The following HMCN1 variants were observed in gnomAD, a reference collection of about 807,000 sequenced individuals.
HMCN1 encodes hemicentin 1.
HMCN1 carries 321 observed loss-of-function variants against 625.9 expected under a neutral mutation model. The ratio of observed to expected loss-of-function variants is 0.51; its 90% CI spans 0.47 to 0.56. The LOEUF (loss-of-function observed/expected upper bound fraction) is 0.56. Among genes scored for constraint, HMCN1 ranks in the 20% least tolerant of loss-of-function variants. The pLI is 0.00. For missense variants in HMCN1, 6,588 were observed against 6,887.3 expected (o/e 0.96, Z 1.54); for synonymous variants, 2,425 against 2,417.6 (o/e 1.00, Z -0.09).
At chr1:186,128,607 C>A (rs1661767541) in intron 83 of HMCN1, among the ~76,000 whole-genome samples, 1 of 151,930 alleles carries the variant, frequency 6.6e-6, no homozygotes, top group Non-Finnish European at 1.5e-5. Context: ...AGCTGGACCC[C>A]CTTCATCACT....
chr1:185,927,661 T>C lies in HMCN1; in HGVS notation c.1431-885T>C, dbSNP rs183926486. Among the ~76,000 whole-genome samples the C allele has an allele frequency of 7.7e-4, 117 of 152,272 alleles. 1 individual carries two copies. The highest frequency in any genetic ancestry group is 5.8e-4 in the East Asian group (3 of 5,182). On this transcript the variant is annotated intron_variant, in intron 9 of 106. Coordinates refer to ENST00000271588, the MANE Select transcript of HMCN1 (RefSeq NM_031935.3). ...AGATATCACCATAAGGTATTATATT[T>C]TATACCACTTTCAGAATTCAGTGGT...
chr1:185,965,683 A>G, intron 13 of HMCN1, 119 bp from the exon 14 acceptor site: 1 of 725,852 alleles, frequency 1.4e-6, no homozygotes, highest in African/African-American at 1.7e-5. Flanking sequence ...CTTTCGGTTT[A>G]TAAATATTGA....
chr1:186,113,990 A>G lies in HMCN1; in HGVS notation c.11143A>G (p.Ile3715Val). ...FILTVNVPPN[I>V]KGGPQSLVIL... ...TATCTCTTGTTCAGTTCCTCCAAAC[A>G]TAAAGGGGGGCCCCCAGAGCCTTGT... The change falls in exon 73 of 107, where the codon ATA (isoleucine) becomes GTA (valine). Residue 3715 changes from isoleucine to valine, a missense_variant. Physicochemically the swap from Ile to Val is conservative, Grantham distance 29 (BLOSUM62 3). Transcript: ENST00000271588. 1 of 1,614,146 alleles carries G rather than the reference A, an allele frequency of 6.2e-7. No homozygotes were observed. The highest frequency in any genetic ancestry group is 2.2e-5 in the East Asian group (1 of 44,866).
chr1:185,797,704 C>T (rs1395401592), intron 1 of HMCN1, among the ~76,000 whole-genome samples: 1 of 128,400 alleles, frequency 7.8e-6, no homozygotes, highest in Non-Finnish European at 1.5e-5. Context: ...CGGTGGCTCA[C>T]GCCTGTAATC....
At position 185,965,930 on chromosome 1, in the gene HMCN1, T is replaced by A. The variant is rs995913292; in HGVS notation, c.2212+15T>A. 1 of 1,317,414 alleles carries A rather than the reference T, an allele frequency of 7.6e-7. No individual in the cohort carries two copies. Among genetic ancestry groups the A allele is most frequent in the Admixed American group, 1.7e-5 (1 of 59,614 alleles). 81.6% of individuals were successfully genotyped at this position (1,317,414 alleles called of 1,614,324 possible). A position where few individuals can be genotyped will look rare whatever the true frequency, so the allele number is the denominator to read the frequency against. On this transcript the variant is annotated intron_variant, in intron 14 of 106. Coordinates refer to ENST00000271588, the MANE Select transcript of HMCN1 (RefSeq NM_031935.3). ...ATGGTTCAAAGGTACATTTCTTCAA[T>A]ATGTTTGTGTCTGGTTCACTTAGTT...
rs372177834 is a variant in HMCN1, at chr1:185,734,788, C to T, written c.9C>T (p.Ser3=). 1.1e-5 allele frequency: 17 copies of T among 1,614,030 alleles called. No homozygotes were observed. Among genetic ancestry groups the T allele is most frequent in the Non-Finnish European group, 1.4e-5 (16 of 1,179,996 alleles). ...GGGGGAAAAAAAAGAAAATGATTTCCTGGGAAGTTGTCCATACAGTATTCC... is the reference window on the plus strand; with the variant it reads ...GGGGGAAAAAAAAGAAAATGATTTCTTGGGAAGTTGTCCATACAGTATTCC... The part of the protein sequence containing the change: MI[S]WEVVHTVFLF... The change falls in exon 1 of 107, where the codon TCC becomes TCT. Residue 3 remains serine, a synonymous_variant. Transcript: ENST00000271588.
intron 12 of HMCN1, among the ~76,000 whole-genome samples, chr1:185,963,407 G>A (rs899603844): frequency 6.6e-6 from 1 of 152,096 alleles, no homozygotes; most frequent in East Asian, 1.9e-4. Flanking sequence ...TTGCCGGGGT[G>A]CAAATTCCAG....
At chr1:185,870,584 A>G (rs2102369054) in intron 4 of HMCN1, among the ~76,000 whole-genome samples, 1 of 152,212 alleles carries the variant, frequency 6.6e-6, no homozygotes, top group South Asian at 2.1e-4. Flanking sequence ...GTGGGTGCAT[A>G]GTAGGTGTAT....
At chr1:186,164,523 A>G (rs956747626) in intron 97 of HMCN1, among the ~76,000 whole-genome samples, 23 of 152,146 alleles carry the variant, frequency 1.5e-4, no homozygotes, top group Admixed American at 6.5e-5. Flanking sequence ...GATTACAGGC[A>G]TGAGCCACCA....
rs1334293883 is a variant in HMCN1, at chr1:185,981,080, T to C, written c.2662+7T>C. 1 of 1,518,292 alleles carries C rather than the reference T, an allele frequency of 6.6e-7. No individual in the cohort carries two copies. The highest frequency in any genetic ancestry group is 2.3e-5 in the East Asian group (1 of 44,416). 94.1% of individuals were successfully genotyped at this position (1,518,292 alleles called of 1,614,324 possible). On this transcript the variant is annotated splice_region_variant and intron_variant, in intron 17 of 106. Transcript: ENST00000271588. ...GTAACAGTGACCGGACTTGGTAAGA[T>C]CAATTGAATGTCTACATACCATGGT...
chr1:185,832,568 C>T (rs904350866), intron 1 of HMCN1, among the ~76,000 whole-genome samples: 1 of 151,944 alleles, frequency 6.6e-6, no homozygotes, highest in Admixed American at 6.6e-5. Flanking sequence ...ACTAGGTAGC[C>T]ATCTGGAAAA....
chr1:186,145,049 T>G lies in HMCN1; in HGVS notation c.14266+346T>G, dbSNP rs188192221. Among the ~76,000 whole-genome samples, 21 of 152,344 alleles carry G rather than the reference T, an allele frequency of 1.4e-4. No homozygotes were observed. The East Asian group carries it at 3.7e-3, about 27-fold the overall frequency. ...TCATCAACCTGGATTTTTAGACCCT[T>G]GCAGCAACTTGATATCTGGAAATCT... On this transcript the variant is annotated intron_variant, in intron 91 of 106. Transcript: ENST00000271588.
chr1:185,874,961 T>C (rs1174113754), intron 4 of HMCN1, among the ~76,000 whole-genome samples: 1 of 151,804 alleles, frequency 6.6e-6, no homozygotes, highest in Non-Finnish European at 1.5e-5. Context: ...ATAATATTTA[T>C]GAAATTAACA....
In HMCN1 at chr1:186,002,596, A is replaced by C. The variant is rs141644537; in HGVS notation, c.4348+855A>C. On this transcript the variant is annotated intron_variant, in intron 28 of 106. Transcript: ENST00000271588. ...TGTTATCATGAGTCTTGCTGACATTATTTCTCCTGGTACTTGTCCGCTCCC... is the reference window on the plus strand; with the variant it reads ...TGTTATCATGAGTCTTGCTGACATTCTTTCTCCTGGTACTTGTCCGCTCCC... Among the ~76,000 whole-genome samples the C allele has an allele frequency of 1.3e-3, 196 of 152,120 alleles. 2 individuals are homozygous for C. Among genetic ancestry groups the C allele is most frequent in the African/African-American group, 4.6e-3 (189 of 41,524 alleles).
chr1:185,974,385 A>C (rs1651051596), intron 15 of HMCN1, among the ~76,000 whole-genome samples: 2 of 152,192 alleles, frequency 1.3e-5, no homozygotes, highest in African/African-American at 4.8e-5. Context: ...CTCTTTTAAC[A>C]ACATGAGATA....
intron 4 of HMCN1, among the ~76,000 whole-genome samples, chr1:185,906,604 G>C (rs538164071): frequency 3.9e-5 from 6 of 151,922 alleles, no homozygotes; most frequent in African/African-American, 1.4e-4. Flanking sequence ...GGGTTTGAAG[G>C]AAAGATATAT....
intron 54 of HMCN1, among the ~76,000 whole-genome samples, chr1:186,076,903 T>G (rs550202150): frequency 2.0e-5 from 3 of 152,318 alleles, no homozygotes; most frequent in African/African-American, 7.2e-5. Flanking sequence ...TCTCTTTTAG[T>G]GCAATAAGAT....
chr1:185,944,608 T>A (rs936320786), intron 11 of HMCN1, among the ~76,000 whole-genome samples: 3 of 152,216 alleles, frequency 2.0e-5, no homozygotes, highest in African/African-American at 7.2e-5. Context: ...ATGGCCCAGG[T>A]ATATGGCAAC....
rs369478369 is a variant in HMCN1 at position 185,888,064 on chromosome 1, A to G, written c.622-21273A>G. 1.7e-3 allele frequency among the ~76,000 whole-genome samples: 235 copies of G among 139,324 alleles called. 4 individuals carry two copies. In the East Asian group the frequency reaches 0.023, roughly 14 times the overall value. 91.4% of individuals were successfully genotyped at this position (139,324 alleles called of 152,430 possible). A position where few individuals can be genotyped will look rare whatever the true frequency, so the allele number is the denominator to read the frequency against. Reference sequence around the variant, plus strand: ...TGCATTTCACTGATGGCCAGTGATGATGAGCATTTTTTCATGTGTTTTTTG... The same window carrying G: ...TGCATTTCACTGATGGCCAGTGATGGTGAGCATTTTTTCATGTGTTTTTTG... On this transcript the variant is annotated intron_variant, in intron 4 of 106. Coordinates refer to ENST00000271588, the MANE Select transcript of HMCN1 (RefSeq NM_031935.3).
Sources: allele counts gnomAD v4.1 joint callset (sites outside exome capture counted in the v4.1 genomes callset), GRCh38; gene constraint gnomAD v4.1.1; transcripts MANE v1.5; gene names NCBI Gene and HGNC (gene_info 2026-07-23, HGNC 2026-07-21).